EPB41L3: variants seen among roughly 807,000 people sequenced by gnomAD.
EPB41L3 encodes band 4.1-like protein 3.
Under a neutral mutation model 127.1 loss-of-function variants are expected in EPB41L3, and 57 were observed. The observed-to-expected ratio is 0.45, with a 90% CI of 0.36 to 0.56. EPB41L3 has a LOEUF of 0.56. EPB41L3 is among the 20% of genes least tolerant of loss of function. The pLI is 0.00. For synonymous variants in EPB41L3, 572 were observed against 549.5 expected (o/e 1.04, Z -0.57); for missense variants, 1,273 against 1,372.2 (o/e 0.93, Z 1.14).
intron 16 of EPB41L3, among the ~76,000 whole-genome samples, chr18:5,404,577 C>T (rs145513431): frequency 6.6e-6 from 1 of 152,230 alleles, no homozygotes; most frequent in African/African-American, 2.4e-5. Context: ...CATCCTTGGG[C>T]TTATCAAATG....
At chr18:5,536,680 C>T (rs1387840829) in intron 1 of EPB41L3, among the ~76,000 whole-genome samples, 1 of 151,364 alleles carries the variant, frequency 6.6e-6, no homozygotes, top group Non-Finnish European at 1.5e-5. Context: ...GGCAGGGTGG[C>T]GGTTGCCTAT....
intron 3 of EPB41L3, among the ~76,000 whole-genome samples, chr18:5,602,514 A>G (rs1220756994): frequency 2.0e-5 from 3 of 152,152 alleles, no homozygotes; most frequent in Non-Finnish European, 4.4e-5. Context: ...TATGCATCAT[A>G]GCTCACCGTA....
At chr18:5,426,404 G>A (rs1211994133) in intron 9 of EPB41L3, among the ~76,000 whole-genome samples, 2 of 152,002 alleles carry the variant, frequency 1.3e-5, no homozygotes, top group Non-Finnish European at 2.9e-5. Flanking sequence ...CCTCTATCCT[G>A]TCTCTACGAC....
rs147571462 is a variant in EPB41L3 at position 5,476,400 on chromosome 18, A to T, written c.381+1841T>A. ...TCACAGTGACATTAAAAGAAAGGTA[A>T]GTAAAAAATAAAAAATTTGTAACCA... is the stretch of plus-strand genomic sequence containing the variant. On this transcript the variant is annotated intron_variant, in intron 3 of 22. Coordinates refer to ENST00000341928, the MANE Select transcript of EPB41L3 (RefSeq NM_012307.5). Among the ~76,000 whole-genome samples the T allele has an allele frequency of 4.2e-3, 634 of 152,338 alleles. 2 individuals carry two copies. The highest frequency in any genetic ancestry group is 0.014 in the African/African-American group (565 of 41,576).
chr18:5,478,541 G>C, intron 2 of EPB41L3, 103 bp from the exon 3 acceptor site: 1 of 983,852 alleles, frequency 1.0e-6, no homozygotes, highest in Non-Finnish European at 1.5e-6. Flanking sequence ...ATAGAGGAGA[G>C]GTATTGAATT....
At chr18:5,595,028 T>C (rs2143644739) in intron 3 of EPB41L3, among the ~76,000 whole-genome samples, 2 of 152,312 alleles carry the variant, frequency 1.3e-5, no homozygotes, top group African/African-American at 4.8e-5. Flanking sequence ...GAATATGCAA[T>C]GTATTCATTG....
chr18:5,435,956 G>A (rs965482737), intron 6 of EPB41L3, among the ~76,000 whole-genome samples: 9 of 152,042 alleles, frequency 5.9e-5, no homozygotes, highest in South Asian at 2.1e-4. Context: ...CTTAAAATTC[G>A]AGAATCTTGT....
chr18:5,543,575 G>A lies in EPB41L3; in HGVS notation c.-12+338C>T, dbSNP rs1399128049. On this transcript the variant is annotated intron_variant, in intron 1 of 22. Transcript: ENST00000341928. The surrounding 1 kb of genome is among the most constrained non-coding windows in gnomAD (Gnocchi z 5.2). ...GGAGAAGGGACGCGGGGACCGAGTC[G>A]CCCCTTCGGCCAGGGATCCCAGGGA... Among the ~76,000 whole-genome samples the A allele has an allele frequency of 4.1e-5, 6 of 147,482 alleles. No individual in the cohort carries two copies. In the East Asian group the frequency reaches 1.2e-3, roughly 29 times the overall value.
intron 3 of EPB41L3, among the ~76,000 whole-genome samples, chr18:5,476,750 A>G (rs1463531556): frequency 1.3e-5 from 2 of 152,234 alleles, no homozygotes; most frequent in African/African-American, 2.4e-5. Flanking sequence ...CAAAAGTTCC[A>G]TAAGTTTCAT....
At chr18:5,554,646 C>T (rs558126567) in intron 3 of EPB41L3, among the ~76,000 whole-genome samples, 1 of 152,208 alleles carries the variant, frequency 6.6e-6, no homozygotes, top group Admixed American at 6.5e-5. Context: ...TCCTCTTCCA[C>T]CACACACCCA....
At chr18:5,453,943 T>C (rs1056916838) in intron 3 of EPB41L3, among the ~76,000 whole-genome samples, 3 of 152,178 alleles carry the variant, frequency 2.0e-5, no homozygotes, top group African/African-American at 4.8e-5. Context: ...CCTCACTGAA[T>C]GCCTTTTCAT....
intron 3 of EPB41L3, among the ~76,000 whole-genome samples, chr18:5,464,768 C>A (rs2084651929): frequency 6.6e-6 from 1 of 152,132 alleles, no homozygotes; most frequent in Non-Finnish European, 1.5e-5. Context: ...TTCAAATGCA[C>A]CACTCAGAGT....
intron 3 of EPB41L3, chr18:5,466,352 A>C (rs928964501): frequency 1.3e-5 from 2 of 152,212 alleles, no homozygotes; most frequent in Non-Finnish European, 2.9e-5. Flanking sequence ...GTGTTAGCCA[A>C]ATCCTGAAAC....
intron 13 of EPB41L3, among the ~76,000 whole-genome samples, chr18:5,415,309 G>A (rs184843154): frequency 1.3e-5 from 2 of 152,300 alleles, no homozygotes; most frequent in East Asian, 1.9e-4. Context: ...GATGAGCAGA[G>A]GGTGGTGGGG....
At chr18:5,443,109 T>C (rs1176583568) in intron 5 of EPB41L3, among the ~76,000 whole-genome samples, 1 of 152,188 alleles carries the variant, frequency 6.6e-6, no homozygotes, top group Non-Finnish European at 1.5e-5. Flanking sequence ...CATTAATAGA[T>C]ATGCTGAATA....
At chr18:5,436,447 T>C (rs1000641077) in intron 6 of EPB41L3, among the ~76,000 whole-genome samples, 23 of 149,046 alleles carry the variant, frequency 1.5e-4, no homozygotes, top group Non-Finnish European at 2.2e-4. Context: ...CTCACTCTGT[T>C]GCCCAGGCTG....
At chr18:5,594,019 T>C (rs1055739817) in intron 3 of EPB41L3, among the ~76,000 whole-genome samples, 6 of 152,162 alleles carry the variant, frequency 3.9e-5, no homozygotes, top group African/African-American at 1.4e-4. Flanking sequence ...TTAACGCAAT[T>C]ATCACAGGGT....
At chr18:5,440,454 A>C (rs1056407057) in intron 5 of EPB41L3, among the ~76,000 whole-genome samples, 1 of 152,186 alleles carries the variant, frequency 6.6e-6, no homozygotes. Context: ...ATATGACAGA[A>C]ACAAATCCAC....
rs548300969 is a variant in EPB41L3 at position 5,428,511 on chromosome 18, T to C, written c.913-46A>G. Reference sequence around the variant, plus strand: ...ACAACAGATCAGTATCTAACTTATTTCCATTTTCTGCTGGGTAAAGTATTT... The same window carrying C: ...ACAACAGATCAGTATCTAACTTATTCCCATTTTCTGCTGGGTAAAGTATTT... On this transcript the variant is annotated intron_variant, in intron 8 of 22. Coordinates refer to ENST00000341928, the MANE Select transcript of EPB41L3 (RefSeq NM_012307.5). 85 of 1,603,620 alleles carry C rather than the reference T, an allele frequency of 5.3e-5. 2 individuals are homozygous for C. The South Asian group carries it at 7.3e-4, about 14-fold the overall frequency.
Sources: gnomAD v4.1 joint callset for allele counts (sites outside exome capture counted in the v4.1 genomes callset) on GRCh38, gnomAD v4.1.1 for gene constraint, Gnocchi (gnomAD v3.1) non-coding constraint, MANE v1.5 for transcripts, NCBI Gene and HGNC (gene_info 2026-07-23, HGNC 2026-07-21) for gene names.